TAFA2: variants seen among roughly 807,000 people sequenced by gnomAD.
The protein encoded by TAFA2 is TAFA chemokine like family member 2, also known as chemokine-like protein TAFA-2.
Under a neutral mutation model 18.8 loss-of-function variants are expected in TAFA2, and 7 were observed. The observed-to-expected ratio is 0.37, with a 90% CI of 0.21 to 0.70. The LOEUF (loss-of-function observed/expected upper bound fraction) is 0.70. Ranked by LOEUF, TAFA2 falls within the 30% of genes least tolerant of loss-of-function variation. TAFA2 has a pLI of 0.53. For synonymous variants in TAFA2, 60 were observed against 54.2 expected (o/e 1.11, Z -0.47); for missense variants, 122 against 158.1 (o/e 0.77, Z 1.23).
At chr12:62,049,013 G>T (rs929080469) in intron 1 of TAFA2, among the ~76,000 whole-genome samples, 1 of 152,204 alleles carries the variant, frequency 6.6e-6, no homozygotes, top group Non-Finnish European at 1.5e-5. Flanking sequence ...AATATAATAA[G>T]ATGGAGAAAA....
chr12:61,879,503 G>C (rs917352059), intron 1 of TAFA2: 11 of 700,870 alleles, frequency 1.6e-5, no homozygotes, highest in Non-Finnish European at 2.3e-5. Context: ...GGTATTGGAG[G>C]GATCACTGCT....
At chr12:62,004,733 A>G (rs12580422) in intron 1 of TAFA2, among the ~76,000 whole-genome samples, 17,077 of 152,160 alleles carry the variant, frequency 0.11, 1,010 homozygotes, top group Middle Eastern at 0.15. Context: ...GTGCTCCCAT[A>G]TTCATTGCAG....
At chr12:62,084,791 C>G (rs531743914) in intron 1 of TAFA2, among the ~76,000 whole-genome samples, 1 of 152,208 alleles carries the variant, frequency 6.6e-6, no homozygotes, top group South Asian at 2.1e-4. Context: ...ATGCATTCAG[C>G]AGAACTATAC....
chr12:61,941,766 A>G lies in TAFA2; in HGVS notation c.-1-74340T>C, dbSNP rs999746717. The stretch of plus-strand genomic sequence containing the variant: ...AGACCGGCTTAAAAAACGGCACACC[A>G]CGAGACTATATCCCACACCTGGCTC... On this transcript the variant is annotated intron_variant, in intron 1 of 4. Coordinates refer to ENST00000416284, the MANE Select transcript of TAFA2 (RefSeq NM_178539.5). 2.6e-5 allele frequency among the ~76,000 whole-genome samples: 4 copies of G among 152,332 alleles called. No homozygotes were observed. The South Asian group carries it at 8.3e-4, about 32-fold the overall frequency.
intron 2 of TAFA2, among the ~76,000 whole-genome samples, chr12:61,784,400 A>G (rs917795172): frequency 6.6e-6 from 1 of 151,564 alleles, no homozygotes; most frequent in African/African-American, 2.4e-5. Flanking sequence ...GGTGTGAGGC[A>G]TAATCCATCT....
intron 1 of TAFA2, among the ~76,000 whole-genome samples, chr12:62,108,513 T>A (rs541823946): frequency 1.3e-5 from 2 of 152,320 alleles, no homozygotes; most frequent in East Asian, 3.9e-4. Context: ...GTAAGGGGAT[T>A]GCTGGGTCAA....
At chr12:61,736,677 A>G (rs1260629545) in intron 4 of TAFA2, among the ~76,000 whole-genome samples, 3 of 151,954 alleles carry the variant, frequency 2.0e-5, no homozygotes, top group African/African-American at 7.3e-5. Context: ...TGTTGAGTTT[A>G]TCCTGGAAAT....
chr12:61,770,900 C>A (rs778349110), intron 2 of TAFA2, among the ~76,000 whole-genome samples: 5 of 151,996 alleles, frequency 3.3e-5, no homozygotes, highest in Non-Finnish European at 7.4e-5. Context: ...CTTTTCAATA[C>A]TAATGTTGAA....
At chr12:61,920,380 T>C (rs1876999945) in intron 1 of TAFA2, among the ~76,000 whole-genome samples, 1 of 152,018 alleles carries the variant, frequency 6.6e-6, no homozygotes, top group Non-Finnish European at 1.5e-5. Flanking sequence ...ACAAATCTCC[T>C]CTCCCAGGGA....
chr12:62,141,907 A>G (rs939147816), intron 1 of TAFA2, among the ~76,000 whole-genome samples: 1 of 152,204 alleles, frequency 6.6e-6, no homozygotes, highest in Non-Finnish European at 1.5e-5. Flanking sequence ...AAAACCACAA[A>G]CAAAATCTTC....
At chr12:61,748,008 A>G (rs961841575) in intron 4 of TAFA2, among the ~76,000 whole-genome samples, 4 of 152,102 alleles carry the variant, frequency 2.6e-5, no homozygotes, top group African/African-American at 9.7e-5. Flanking sequence ...AGCGGCTATC[A>G]GTTCTATGAA....
At chr12:61,807,527 T>A (rs767107415) in intron 2 of TAFA2, among the ~76,000 whole-genome samples, 14 of 151,238 alleles carry the variant, frequency 9.3e-5, no homozygotes, top group Non-Finnish European at 2.1e-4. Flanking sequence ...CACCACCTAA[T>A]GGAGCTGTGA....
chr12:61,815,712 T>C (rs10784265), intron 2 of TAFA2, among the ~76,000 whole-genome samples: 76,331 of 150,306 alleles, frequency 0.51, 20,120 homozygotes, highest in African/African-American at 0.59. Context: ...GGGCTCAATA[T>C]AAAGGTAAGA....
At chr12:61,836,566 T>A (rs1872927047) in intron 2 of TAFA2, among the ~76,000 whole-genome samples, 1 of 151,738 alleles carries the variant, frequency 6.6e-6, no homozygotes, top group Non-Finnish European at 1.5e-5. Context: ...TCACTGCTAA[T>A]CTCAATTACA....
intron 1 of TAFA2, among the ~76,000 whole-genome samples, chr12:62,048,939 G>C (rs1881979309): frequency 6.6e-6 from 1 of 152,152 alleles, no homozygotes; most frequent in Non-Finnish European, 1.5e-5. Context: ...AATATCTGTA[G>C]ACAGAGCCAC....
Position 61,887,501 on chromosome 12 carries a change from G to A in TAFA2, c.-1-20075C>T, listed in dbSNP as rs1362916796. On this transcript the variant is annotated intron_variant, in intron 1 of 4. Transcript: ENST00000416284. ...CACATTGTGCAGGTTAGTTACATAC[G>A]TATACATGTGCCATGCTGGTGTGCT... Among the ~76,000 whole-genome samples, 14 of 150,942 alleles carry A rather than the reference G, an allele frequency of 9.3e-5. No individual in the cohort carries two copies. The South Asian group carries it at 2.1e-3, about 23-fold the overall frequency.
At chr12:61,980,094 C>G (rs1879577096) in intron 1 of TAFA2, among the ~76,000 whole-genome samples, 2 of 152,036 alleles carry the variant, frequency 1.3e-5, no homozygotes, top group Non-Finnish European at 2.9e-5. Flanking sequence ...TAGAATAACT[C>G]CAGATACTTC....
Position 61,709,419 on chromosome 12 carries a change from T to C in TAFA2, c.*987A>G, listed in dbSNP as rs1327050598. On this transcript the variant is annotated 3_prime_UTR_variant, in exon 5 of 5. Transcript: ENST00000416284. ...TTGGGATCAAGCAAAAGAAAGTCTT[T>C]TAAAATGAGATAGGACAGTTTTTTA... The C allele has an allele frequency of 6.6e-6, 1 of 152,064 alleles. No homozygotes were observed. Among genetic ancestry groups the C allele is most frequent in the Non-Finnish European group, 1.5e-5 (1 of 67,972 alleles). The allele number at this position is 152,064 out of a possible 1,614,324, so 9.4% of individuals were successfully genotyped here. A position where few individuals can be genotyped will look rare whatever the true frequency, so the allele number is the denominator to read the frequency against.
intron 1 of TAFA2, chr12:62,252,799 C>A (rs2062920874): frequency 6.6e-6 from 1 of 152,102 alleles, no homozygotes; most frequent in Non-Finnish European, 1.5e-5. Flanking sequence ...ATCTCTTTTG[C>A]AATAAAATGA....
Sources: allele counts gnomAD v4.1 joint callset (sites outside exome capture counted in the v4.1 genomes callset), GRCh38; gene constraint gnomAD v4.1.1; transcripts MANE v1.5; gene names NCBI Gene and HGNC (gene_info 2026-07-23, HGNC 2026-07-21).